CYP1A2: variants seen among roughly 807,000 people sequenced by gnomAD.
The protein encoded by CYP1A2 is cytochrome P450 family 1 subfamily A member 2.
In CYP1A2, 35 loss-of-function variants were observed where a neutral mutation model predicts 34.7. The observed-to-expected ratio is 1.01, with a 90% CI of 0.77 to 1.34. CYP1A2 has a LOEUF of 1.34. CYP1A2 is among the 40% of genes most tolerant of loss of function. CYP1A2 has a pLI of 0.00. For synonymous variants in CYP1A2, 288 were observed against 281.9 expected (o/e 1.02, Z -0.22); for missense variants, 675 against 675.8 (o/e 1.00, Z 0.01).
intron 1 of CYP1A2, among the ~76,000 whole-genome samples, chr15:74,749,203 C>T (rs2063302560): frequency 1.3e-5 from 2 of 152,150 alleles, no homozygotes; most frequent in Non-Finnish European, 1.5e-5. Context: ...AGGTGCCCCT[C>T]CTGGTATTGA....
intron 6 of CYP1A2, among the ~76,000 whole-genome samples, chr15:74,753,777 A>T (rs1031318608): frequency 5.3e-5 from 8 of 151,080 alleles, no homozygotes; most frequent in Non-Finnish European, 1.2e-4. Context: ...GTTACAGGTG[A>T]TGGTTCCCCC....
rs768979898 is a variant in CYP1A2 at position 74,754,915 on chromosome 15, G to A, written c.1378G>A (p.Gly460Arg). The change falls in exon 7 of 7, where the codon GGG (glycine) becomes AGG (arginine). Residue 460 changes from glycine (G) to arginine (R), a missense_variant. Coordinates refer to ENST00000343932, the MANE Select transcript of CYP1A2 (RefSeq NM_000761.5). Reference protein sequence around the residue: ...LFGMGKRRCIGEVLAKWEIFL... With the variant: ...LFGMGKRRCIREVLAKWEIFL... ...TGGCATGGGCAAGCGCCGGTGTATC[G>A]GGGAAGTCCTGGCCAAGTGGGAGAT... 4.3e-6 allele frequency: 7 copies of A among 1,614,206 alleles called. No homozygotes were observed. The highest frequency in any genetic ancestry group is 1.1e-5 in the South Asian group (1 of 91,090).
chr15:74,751,087 AG>A (rs748628245), intron 2 of CYP1A2, 101 bp from the exon 3 acceptor site: 38 of 1,502,572 alleles, frequency 2.5e-5, no homozygotes, highest in South Asian at 1.3e-5. Flanking sequence ...TTGGGAGGAT[AG>A]GGGGGTACCC....
At chr15:74,750,916 G>T (rs548871877) in intron 2 of CYP1A2, among the ~76,000 whole-genome samples, 5 of 152,318 alleles carry the variant, frequency 3.3e-5, no homozygotes, top group Non-Finnish European at 7.3e-5. Context: ...CTGGTGTCAC[G>T]TTGCTTCCCT....
chr15:74,749,760 C>A lies in CYP1A2; in HGVS notation c.22C>A (p.Pro8Thr). The A allele has an allele frequency of 6.5e-7, 1 of 1,542,850 alleles. No homozygotes were observed. Among genetic ancestry groups the A allele is most frequent in the Non-Finnish European group, 8.8e-7 (1 of 1,142,168 alleles). MALSQSV[P>T]FSATELLLAS... The stretch of plus-strand genomic sequence containing the variant: ...ACAGATGGCATTGTCCCAGTCTGTT[C>A]CCTTCTCGGCCACAGAGCTTCTCCT... Residue 8 changes from proline (P) to threonine (T), a missense_variant, in exon 2 of 7, where the codon CCC (proline) becomes ACC (threonine). Physicochemically the swap from Pro to Thr is conservative, Grantham distance 38. Transcript: ENST00000343932.
intron 6 of CYP1A2, 29 bp downstream of exon 6, chr15:74,753,299 T>C (rs776776985): frequency 1.3e-6 from 2 of 1,583,106 alleles, no homozygotes; most frequent in East Asian, 2.2e-5. Flanking sequence ...CGAAAAAATG[T>C]GTGCAGGTTC....
chr15:74,750,726 C>T (rs954408196), intron 2 of CYP1A2, among the ~76,000 whole-genome samples, 157 bp downstream of exon 2: 1 of 152,168 alleles, frequency 6.6e-6, no homozygotes, highest in Non-Finnish European at 1.5e-5. Flanking sequence ...CCGACTCTTC[C>T]CCTTCTCTGG....
chr15:74,753,868 C>T (rs1351365410), intron 6 of CYP1A2, among the ~76,000 whole-genome samples: 1 of 152,074 alleles, frequency 6.6e-6, no homozygotes, highest in East Asian at 1.9e-4. Flanking sequence ...TTTGGAAAGC[C>T]CCACTTTAGT....
In CYP1A2 at chr15:74,752,168, C is replaced by T. The variant is rs1337589199; in HGVS notation, c.1087C>T (p.Pro363Ser). 2 of 1,613,966 alleles carry T rather than the reference C, an allele frequency of 1.2e-6. No individual in the cohort carries two copies. The highest frequency in any genetic ancestry group is 1.7e-6 in the Non-Finnish European group (2 of 1,179,994). Residue 363 changes from proline (P) to serine (S), a missense_variant, in exon 5 of 7, where the codon CCC becomes TCC. Transcript: ENST00000343932. ...GCGGCGGCCCCGGCTCTCTGACAGACCCCAGCTGCCCTACTTGGAGGCCTT... is the reference window on the plus strand; with the variant it reads ...GCGGCGGCCCCGGCTCTCTGACAGATCCCAGCTGCCCTACTTGGAGGCCTT... Reference protein sequence around the residue: ...RERRPRLSDRPQLPYLEAFIL... With the variant: ...RERRPRLSDRSQLPYLEAFIL...
chr15:74,751,287 T>A lies in CYP1A2; in HGVS notation c.930T>A (p.Leu310=). Residue 310 remains leucine (L), a synonymous_variant, in exon 3 of 7, where the codon CTT becomes CTA. Coordinates refer to ENST00000343932, the MANE Select transcript of CYP1A2 (RefSeq NM_000761.5). ...TCCCACAGGAGAAGATTGTCAACCT[T>A]GTCAATGACATCTTTGGAGCAGGTA... is the stretch of plus-strand genomic sequence containing the variant. ...NLIPQEKIVN[L]VNDIFGAGFD... is the part of the protein sequence containing the mutation. 1.2e-6 allele frequency: 2 copies of A among 1,614,126 alleles called. No homozygotes were observed. The highest frequency in any genetic ancestry group is 1.7e-6 in the Non-Finnish European group (2 of 1,179,996).
In CYP1A2 at chr15:74,752,105, T is replaced by C. The variant is rs926268480; in HGVS notation, c.1043-19T>C. On this transcript the variant is annotated intron_variant, in intron 4 of 6. Transcript: ENST00000343932. ...GTTAGGGCAGCCCCTGAGCTCTGCTTGTCCTCTGTGTTCTACAGACACTGT... is the reference window on the plus strand; with the variant it reads ...GTTAGGGCAGCCCCTGAGCTCTGCTCGTCCTCTGTGTTCTACAGACACTGT... 6.2e-6 allele frequency: 10 copies of C among 1,613,506 alleles called. No individual in the cohort carries two copies. The highest frequency in any genetic ancestry group is 8.5e-6 in the Non-Finnish European group (10 of 1,179,808).
chr15:74,751,050 G>A (rs2063312981), intron 2 of CYP1A2, 139 bp from the exon 3 acceptor site: 3 of 1,179,368 alleles, frequency 2.5e-6, no homozygotes, highest in African/African-American at 3.1e-5. Flanking sequence ...CCTGCTGCAA[G>A]CTGCAACCCC....
At chr15:74,754,747 G>A (rs2063330189) in intron 6 of CYP1A2, 44 bp from the exon 7 acceptor site, 1 of 1,582,918 alleles carries the variant, frequency 6.3e-7, no homozygotes, top group Non-Finnish European at 8.6e-7. Context: ...TCCTCCCAGG[G>A]CCTCTCCAGC....
Position 74,752,122 on chromosome 15 carries a change from A to G in CYP1A2, c.1043-2A>G. The G allele has an allele frequency of 1.2e-6, 2 of 1,613,976 alleles. No homozygotes were observed. Among genetic ancestry groups the G allele is most frequent in the East Asian group, 4.5e-5 (2 of 44,886 alleles). On this transcript the variant is annotated splice_acceptor_variant, in intron 4 of 6. Transcript: ENST00000343932. LOFTEE classifies it high-confidence loss of function. ...GCTCTGCTTGTCCTCTGTGTTCTAC[A>G]GACACTGTGATTGGCAGGGAGCGGC...
rs775498266 is a variant in CYP1A2, at chr15:74,754,844, A to G, written c.1307A>G (p.Asp436Gly). 6.2e-6 allele frequency: 10 copies of G among 1,614,164 alleles called. No homozygotes were observed. In the South Asian group the frequency reaches 1.1e-4, roughly 18 times the overall value. Residue 436 changes from aspartate to glycine, a missense_variant, in exon 7 of 7, where the codon GAT becomes GGT. Physicochemically the swap from Asp to Gly is moderately conservative, Grantham distance 94. Coordinates refer to ENST00000343932, the MANE Select transcript of CYP1A2 (RefSeq NM_000761.5). Reference protein sequence around the residue: ...EFRPERFLTADGTAINKPLSE... With the variant: ...EFRPERFLTAGGTAINKPLSE... Reference sequence around the variant, plus strand: ...CGGCCTGAGCGGTTCCTCACCGCCGATGGCACTGCCATTAACAAGCCCTTG... The same window carrying G: ...CGGCCTGAGCGGTTCCTCACCGCCGGTGGCACTGCCATTAACAAGCCCTTG...
rs1474977081 is a variant in CYP1A2, at chr15:74,751,191, C to T, written c.834C>T (p.Asn278=). ...CCCCTAAGCTTGTGCCCCCTCAGAA[C>T]AGTGTCCGGGACATCACGGGTGCCC... ...VQEHYQDFDK[N]SVRDITGALF... is the part of the protein sequence containing the mutation. Residue 278 remains asparagine, a splice_region_variant and synonymous_variant, in exon 3 of 7, where the codon AAC becomes AAT. Transcript: ENST00000343932. 1 of 1,613,858 alleles carries T rather than the reference C, an allele frequency of 6.2e-7. No individual in the cohort carries two copies. The highest frequency in any genetic ancestry group is 8.5e-7 in the Non-Finnish European group (1 of 1,179,954).
rs557687166 is a variant in CYP1A2, at chr15:74,754,688, G to A, written c.1254-103G>A. 74 of 1,097,722 alleles carry A rather than the reference G, an allele frequency of 6.7e-5. 2 individuals carry two copies. In the South Asian group the frequency reaches 1.0e-3, roughly 15 times the overall value. 68.0% of individuals were successfully genotyped at this position (1,097,722 alleles called of 1,614,324 possible). Reference sequence around the variant, plus strand: ...CCACCTACCCTTCATTGCTTTCAAAGTGCCCTCACACTTGTGTTCTCAACA... The same window carrying A: ...CCACCTACCCTTCATTGCTTTCAAAATGCCCTCACACTTGTGTTCTCAACA... On this transcript the variant is annotated intron_variant, in intron 6 of 6. Transcript: ENST00000343932.
intron 5 of CYP1A2, among the ~76,000 whole-genome samples, chr15:74,752,536 C>T (rs2063320964): frequency 6.6e-6 from 1 of 152,156 alleles, no homozygotes; most frequent in African/African-American, 2.4e-5. Flanking sequence ...ACCCTATTGG[C>T]CTCCAATCTT....
At chr15:74,753,309 C>T (rs1477082275) in intron 6 of CYP1A2, 39 bp downstream of exon 6, 1 of 1,544,800 alleles carries the variant, frequency 6.5e-7, no homozygotes, top group Non-Finnish European at 8.9e-7. Context: ...TGTGCAGGTT[C>T]AGCAGTCAGG....
Sources: allele counts gnomAD v4.1 joint callset (sites outside exome capture counted in the v4.1 genomes callset), GRCh38; gene constraint gnomAD v4.1.1; transcripts MANE v1.5; gene names NCBI Gene and HGNC (gene_info 2026-07-23, HGNC 2026-07-21).